GABRB1: variants seen among roughly 807,000 people sequenced by gnomAD.
GABRB1 encodes the protein gamma-aminobutyric acid type A receptor subunit beta1, also known as gamma-aminobutyric acid receptor subunit beta-1.
In GABRB1, 17 loss-of-function variants were observed where a neutral mutation model predicts 51.6. The observed-to-expected ratio is 0.33, with a 90% CI of 0.23 to 0.49. The LOEUF (loss-of-function observed/expected upper bound fraction) is 0.49, where lower values mean the gene tolerates loss of function less well. GABRB1 is among the 20% of genes least tolerant of loss of function. The pLI is 0.99. For synonymous variants in GABRB1, 247 were observed against 218.9 expected (o/e 1.13, Z -1.14); for missense variants, 410 against 600.6 (o/e 0.68, Z 3.32).
At chr4:47,067,069 C>T (rs535634451) in intron 3 of GABRB1, among the ~76,000 whole-genome samples, 7 of 152,306 alleles carry the variant, frequency 4.6e-5, no homozygotes, top group African/African-American at 1.4e-4. Flanking sequence ...TCTTACATCT[C>T]CATCAGAACT....
intron 4 of GABRB1, among the ~76,000 whole-genome samples, chr4:47,215,745 T>C (rs1318752693): frequency 6.6e-6 from 1 of 152,100 alleles, no homozygotes; most frequent in Non-Finnish European, 1.5e-5. Context: ...TAGGTCAATG[T>C]AGTAACTTAT....
chr4:47,402,497 A>G (rs973178254), intron 5 of GABRB1, among the ~76,000 whole-genome samples: 1 of 152,212 alleles, frequency 6.6e-6, no homozygotes, highest in Non-Finnish European at 1.5e-5. Context: ...ATGTATCTGT[A>G]CATTCTTCTT....
chr4:47,030,464 T>C (rs1329225664), upstream of GABRB1, among the ~76,000 whole-genome samples: 1 of 152,162 alleles, frequency 6.6e-6, no homozygotes, highest in Non-Finnish European at 1.5e-5. Flanking sequence ...GGAGTAGGGA[T>C]TACAATTCGC....
At chr4:47,316,526 T>G (rs927805767) in intron 4 of GABRB1, among the ~76,000 whole-genome samples, 9 of 151,822 alleles carry the variant, frequency 5.9e-5, no homozygotes, top group Non-Finnish European at 1.2e-4. Flanking sequence ...GTGAATATGT[T>G]GCAATAAATA....
At chr4:47,382,735 A>G (rs1727636806) in intron 5 of GABRB1, among the ~76,000 whole-genome samples, 1 of 152,132 alleles carries the variant, frequency 6.6e-6, no homozygotes, top group Non-Finnish European at 1.5e-5. Context: ...TGCTATTCCC[A>G]AACTGTTCCA....
chr4:47,206,775 C>G, intron 4 of GABRB1, among the ~76,000 whole-genome samples: 1 of 151,422 alleles, frequency 6.6e-6, no homozygotes, highest in East Asian at 1.9e-4. Flanking sequence ...ATCAAATGGT[C>G]CACATTTTTG....
intron 5 of GABRB1, among the ~76,000 whole-genome samples, chr4:47,374,512 C>G (rs1029828945): frequency 6.6e-6 from 1 of 152,182 alleles, no homozygotes; most frequent in Non-Finnish European, 1.5e-5. Flanking sequence ...TTTAGGAGAC[C>G]TTATCCAAAG....
intron 3 of GABRB1, among the ~76,000 whole-genome samples, chr4:47,059,329 T>C (rs984500865): frequency 2.0e-5 from 3 of 152,186 alleles, no homozygotes; most frequent in Non-Finnish European, 4.4e-5. Flanking sequence ...TTAACTTGTC[T>C]AGTTTTAATT....
intron 4 of GABRB1, among the ~76,000 whole-genome samples, chr4:47,179,012 A>G (rs752577594): frequency 1.3e-5 from 2 of 152,014 alleles, no homozygotes; most frequent in African/African-American, 2.4e-5. Context: ...CATGTGCAGA[A>G]CATGCAGGTT....
intron 3 of GABRB1, among the ~76,000 whole-genome samples, chr4:47,117,260 A>C (rs1376120538): frequency 6.6e-6 from 1 of 152,234 alleles, no homozygotes; most frequent in Non-Finnish European, 1.5e-5. Context: ...CAAGGCATGC[A>C]TGTTAGCTAT....
At chr4:47,210,590 A>G (rs979129886) in intron 4 of GABRB1, among the ~76,000 whole-genome samples, 2 of 152,174 alleles carry the variant, frequency 1.3e-5, no homozygotes, top group Admixed American at 6.6e-5. Context: ...AATTTTAACA[A>G]TTTCTGAATA....
At chr4:47,409,553 C>T (rs1203360655) in intron 8 of GABRB1, among the ~76,000 whole-genome samples, 1 of 152,190 alleles carries the variant, frequency 6.6e-6, no homozygotes, top group Non-Finnish European at 1.5e-5. Context: ...TGCTCTTCTG[C>T]TCATGGAGCC....
intron 5 of GABRB1, among the ~76,000 whole-genome samples, chr4:47,328,082 T>C (rs1272564771): frequency 6.6e-6 from 1 of 152,246 alleles, no homozygotes. Context: ...CATTTTTTCA[T>C]GTGTCTTTTG....
chr4:47,190,905 A>G (rs906373979), intron 4 of GABRB1, among the ~76,000 whole-genome samples: 1 of 152,188 alleles, frequency 6.6e-6, no homozygotes, highest in Non-Finnish European at 1.5e-5. Context: ...CAGATGTTTT[A>G]CTGTTAGGTC....
At chr4:47,029,655 T>C (rs1244366221), upstream of GABRB1, among the ~76,000 whole-genome samples, 2 of 152,056 alleles carry the variant, frequency 1.3e-5, no homozygotes, top group Admixed American at 1.3e-4. Flanking sequence ...TCCTATATAG[T>C]TTAAAGTTTT....
At chr4:47,179,903 A>T (rs1281598349) in intron 4 of GABRB1, among the ~76,000 whole-genome samples, 1 of 152,166 alleles carries the variant, frequency 6.6e-6, no homozygotes, top group East Asian at 1.9e-4. Flanking sequence ...GTAAGCCTTG[A>T]CTCCAAATTA....
chr4:47,092,561 T>G (rs1308567764), intron 3 of GABRB1, among the ~76,000 whole-genome samples: 6 of 151,934 alleles, frequency 3.9e-5, no homozygotes, highest in Non-Finnish European at 8.8e-5. Context: ...AAGGAATTTG[T>G]GAATCTGAGG....
intron 3 of GABRB1, among the ~76,000 whole-genome samples, chr4:47,086,305 T>C (rs185876091): frequency 3.2e-4 from 48 of 152,282 alleles, no homozygotes; most frequent in Non-Finnish European, 4.7e-4. Flanking sequence ...TCTCTTGTAT[T>C]TACAATGGAA....
At chr4:47,207,449 T>A (rs556694449) in intron 4 of GABRB1, among the ~76,000 whole-genome samples, 2 of 152,166 alleles carry the variant, frequency 1.3e-5, no homozygotes, top group South Asian at 2.1e-4. Flanking sequence ...GAATCAGAAC[T>A]GACTTCTCCA....
Sources: gnomAD v4.1 joint callset for allele counts (sites outside exome capture counted in the v4.1 genomes callset) on GRCh38, gnomAD v4.1.1 for gene constraint, MANE v1.5 for transcripts, NCBI Gene and HGNC (gene_info 2026-07-23, HGNC 2026-07-21) for gene names.